Variants in ARID1A observed in about 807,000 individuals in gnomAD.
ARID1A encodes AT-rich interactive domain-containing protein 1A.
A neutral mutation model predicts 212.6 loss-of-function variants in ARID1A; 20 were observed. The ratio of observed to expected loss-of-function variants is 0.09; its 90% CI spans 0.07 to 0.14. The LOEUF (loss-of-function observed/expected upper bound fraction) is 0.14. Ranked by LOEUF, ARID1A falls within the 10% of genes least tolerant of loss-of-function variation. The probability of loss-of-function intolerance (pLI) is 1.00; values close to 1 mark genes in which losing one functional copy is unlikely to be tolerated. For missense variants in ARID1A, 2,587 were observed against 3,059.0 expected (o/e 0.85, Z 3.64); for synonymous variants, 1,376 against 1,222.1 (o/e 1.13, Z -2.63).
rs140082366 is a variant in ARID1A, at chr1:26,733,882, C to T, written c.1920+1090C>T. Among the ~76,000 whole-genome samples the T allele has an allele frequency of 2.6e-5, 4 of 152,278 alleles. No individual in the cohort carries two copies. In the East Asian group the frequency reaches 7.7e-4, roughly 29 times the overall value. ...GGTTTCAGGATCTCTAAGAAATAGG[C>T]AGAAGGCGGGAACTCTCTTCATCAT... On this transcript the variant is annotated intron_variant, in intron 4 of 19. Coordinates refer to ENST00000324856, the MANE Select transcript of ARID1A (RefSeq NM_006015.6).
Position 26,731,516 on chromosome 1 carries a change from C to A in ARID1A, c.1715C>A (p.Thr572Lys), listed in dbSNP as rs778345898. 1.1e-5 allele frequency: 17 copies of A among 1,614,008 alleles called. No homozygotes were observed. The highest frequency in any genetic ancestry group is 2.7e-5 in the African/African-American group (2 of 74,910). Residue 572 changes from threonine to lysine, a missense_variant, in exon 3 of 20, where the codon ACG becomes AAG. Around this residue, in one of 11 missense-constraint regions of ARID1A, gnomAD observed 674 missense variants for 813.4 expected, o/e 0.83. Coordinates refer to ENST00000324856, the MANE Select transcript of ARID1A (RefSeq NM_006015.6). ...QQQPQQPAPS[T>K]LSQQAAYPQP... ...CAACCTCAGCAGCCAGCACCCTCGA[C>A]GCTCTCCCAGCAGGCTGCGTATCCT...
chr1:26,697,341 G>A lies in ARID1A; in HGVS notation c.938G>A (p.Gly313Glu), dbSNP rs2124744387. ...GCCCGGGGCTACCAGGGCTACCCCG[G>A]GGGCGACTACAGTGGCGGGCCCCAG... ...SSARGYQGYP[G>E]GDYSGGPQDG... Residue 313 changes from glycine to glutamate, a missense_variant, in exon 1 of 20, where the codon GGG becomes GAG. Transcript: ENST00000324856. 3.0e-6 allele frequency: 4 copies of A among 1,330,604 alleles called. No homozygotes were observed. Among genetic ancestry groups the A allele is most frequent in the Non-Finnish European group, 3.8e-6 (4 of 1,047,252 alleles). 82.4% of individuals were successfully genotyped at this position (1,330,604 alleles called of 1,614,324 possible).
At chr1:26,737,310 G>C (rs893891858) in intron 4 of ARID1A, among the ~76,000 whole-genome samples, 73 of 152,164 alleles carry the variant, frequency 4.8e-4, no homozygotes, top group African/African-American at 1.7e-3. Context: ...TAGAGATGGG[G>C]TTTCACGATG....
intron 1 of ARID1A, among the ~76,000 whole-genome samples, chr1:26,703,134 T>C (rs778406946): frequency 1.6e-4 from 24 of 152,192 alleles, no homozygotes; most frequent in Non-Finnish European, 3.2e-4. Context: ...GTATCACTTA[T>C]GATAAAATTA....
chr1:26,696,616 G>C lies in ARID1A; in HGVS notation c.213G>C (p.Lys71Asn), dbSNP rs1341528830. The C allele has an allele frequency of 3.2e-6, 4 of 1,243,106 alleles. No individual in the cohort carries two copies. Among genetic ancestry groups the C allele is most frequent in the Non-Finnish European group, 4.0e-6 (4 of 995,976 alleles). 77.0% of individuals were successfully genotyped at this position (1,243,106 alleles called of 1,614,324 possible). ...PAVGPPQPLG[K>N]ELQDGAESNG... ...TGGGGCCGCCGCAGCCGCTGGGAAA[G>C]GAGCTGCAGGACGGGGCCGAGAGCA... The change falls in exon 1 of 20, where the codon AAG (lysine) becomes AAC (asparagine). Residue 71 changes from lysine to asparagine, a missense_variant. By Grantham distance (94) the Lys-to-Asn change is moderately conservative. Transcript: ENST00000324856.
chr1:26,781,331 T>C lies in ARID1A; in HGVS notation c.*575T>C. On this transcript the variant is annotated 3_prime_UTR_variant, in exon 20 of 20. Transcript: ENST00000324856. ...CCTGTGCAGTAGAGTGTAGACCCTT[T>C]CATGTACTGTACTGTACACCTGATA... The C allele has an allele frequency of 4.3e-6, 1 of 233,998 alleles. No individual in the cohort carries two copies. The highest frequency in any genetic ancestry group is 6.0e-5 in the East Asian group (1 of 16,582). 14.5% of individuals were successfully genotyped at this position (233,998 alleles called of 1,614,324 possible). A position where few individuals can be genotyped will look rare whatever the true frequency, so the allele number is the denominator to read the frequency against.
intron 1 of ARID1A, among the ~76,000 whole-genome samples, chr1:26,724,429 A>G (rs1400573539): frequency 1.3e-5 from 2 of 152,306 alleles, no homozygotes; most frequent in South Asian, 2.1e-4. Context: ...TTTTATTTAA[A>G]TAAAATTATG....
intron 11 of ARID1A, 154 bp from the exon 12 acceptor site, chr1:26,770,965 G>A (rs765274508): frequency 2.3e-4 from 154 of 661,756 alleles, no homozygotes; most frequent in Non-Finnish European, 3.7e-4. Context: ...AACACTTCTT[G>A]TGGACTATCC....
chr1:26,699,764 G>A (rs961583390), intron 1 of ARID1A, among the ~76,000 whole-genome samples: 1 of 152,150 alleles, frequency 6.6e-6, no homozygotes, highest in African/African-American at 2.4e-5. Flanking sequence ...ATTAGAATAA[G>A]TCATTTGGGG....
chr1:26,736,903 A>C (rs893998645), intron 4 of ARID1A, among the ~76,000 whole-genome samples: 8 of 129,432 alleles, frequency 6.2e-5, no homozygotes, highest in Non-Finnish European at 1.3e-4. Context: ...ATTCTGTCTC[A>C]AAAAAAAAAA....
intron 1 of ARID1A, among the ~76,000 whole-genome samples, chr1:26,712,097 T>C (rs927193325): frequency 2.0e-5 from 3 of 150,318 alleles, no homozygotes; most frequent in Non-Finnish European, 3.0e-5. Flanking sequence ...GAAAAAAAAA[T>C]AGGATCTTGA....
chr1:26,762,702 G>A (rs754206225), intron 7 of ARID1A, among the ~76,000 whole-genome samples: 4 of 152,182 alleles, frequency 2.6e-5, no homozygotes, highest in Non-Finnish European at 4.4e-5. Flanking sequence ...ATCAAAAGTT[G>A]AGAATCTTAC....
At chr1:26,713,865 T>G (rs548256202) in intron 1 of ARID1A, among the ~76,000 whole-genome samples, 1 of 152,252 alleles carries the variant, frequency 6.6e-6, no homozygotes, top group South Asian at 2.1e-4. Context: ...CTTTACAGTT[T>G]GTGATTTCAA....
At chr1:26,756,523 T>C (rs1334510650) in intron 4 of ARID1A, among the ~76,000 whole-genome samples, 1 of 147,980 alleles carries the variant, frequency 6.8e-6, no homozygotes, top group African/African-American at 2.5e-5. Flanking sequence ...ACCACTGCCC[T>C]CCAGCCTGGG....
At position 26,729,502 on chromosome 1, in the gene ARID1A, A is replaced by C. The variant is rs568323375; in HGVS notation, c.1138-149A>C. On this transcript the variant is annotated intron_variant, in intron 1 of 19. Transcript: ENST00000324856. ...GGTTCTGAGGCGGGTCAGTTGACTTAAAGGTTACTAGGTTGGTCTCATTGC... is the reference window on the plus strand; with the variant it reads ...GGTTCTGAGGCGGGTCAGTTGACTTCAAGGTTACTAGGTTGGTCTCATTGC... 7.8e-5 allele frequency: 67 copies of C among 855,786 alleles called. No individual in the cohort carries two copies. In the East Asian group the frequency reaches 1.7e-3, roughly 21 times the overall value. 53.0% of individuals were successfully genotyped at this position (855,786 alleles called of 1,614,324 possible).
chr1:26,705,439 CTTT>C (rs34588758), intron 1 of ARID1A, among the ~76,000 whole-genome samples: 55 of 143,906 alleles, frequency 3.8e-4, no homozygotes, highest in African/African-American at 9.7e-4. Context: ...CACGCCCAGC[CTTT>C]TTTTTTTTTC....
rs747709589 is a variant in ARID1A, at chr1:26,774,700, T to G, written c.4473T>G (p.Val1491=). 1 of 1,614,228 alleles carries G rather than the reference T, an allele frequency of 6.2e-7. No homozygotes were observed. Among genetic ancestry groups the G allele is most frequent in the Admixed American group, 1.7e-5 (1 of 60,032 alleles). ...GCCCCATACAGGCATCAGCTGAGGT[T>G]GCTCAGCAAGGCACCATGTGGCAGG... is the stretch of plus-strand genomic sequence containing the variant. ...MGGPIQASAE[V]AQQGTMWQGR... is the part of the protein sequence containing the mutation. The change falls in exon 18 of 20, where the codon GTT becomes GTG. Residue 1491 remains valine, a synonymous_variant. Coordinates refer to ENST00000324856, the MANE Select transcript of ARID1A (RefSeq NM_006015.6). This position sits in a 1 kb window ranked among gnomAD's most constrained non-coding sequence, Gnocchi z 5.6.
rs755982730 is a variant in ARID1A, at chr1:26,781,504, A to G, written c.*748A>G. 4 of 233,180 alleles carry G rather than the reference A, an allele frequency of 1.7e-5. No individual in the cohort carries two copies. Among genetic ancestry groups the G allele is most frequent in the Non-Finnish European group, 2.5e-5 (3 of 117,962 alleles). The allele number at this position is 233,180 out of a possible 1,614,324, so 14.4% of individuals were successfully genotyped here. Reference sequence around the variant, plus strand: ...CCCCCAAAGTATCATGTGTGAACCTACAACACCCTGACCTCTTTCTCTCCT... The same window carrying G: ...CCCCCAAAGTATCATGTGTGAACCTGCAACACCCTGACCTCTTTCTCTCCT... On this transcript the variant is annotated 3_prime_UTR_variant, in exon 20 of 20. Transcript: ENST00000324856.
At chr1:26,709,866 T>C (rs1367360147) in intron 1 of ARID1A, among the ~76,000 whole-genome samples, 1 of 150,366 alleles carries the variant, frequency 6.7e-6, no homozygotes, top group Non-Finnish European at 1.5e-5. Context: ...AGAATCTCGC[T>C]CTGTCGGCCA....
Sources: gnomAD v4.1 joint callset for allele counts (sites outside exome capture counted in the v4.1 genomes callset) on GRCh38, gnomAD v4.1.1 for gene constraint, gnomAD v4.1.1 regional missense constraint, Gnocchi (gnomAD v3.1) non-coding constraint, MANE v1.5 for transcripts, NCBI Gene and HGNC (gene_info 2026-07-23, HGNC 2026-07-21) for gene names.